The following MYO10 variants were observed in gnomAD, a reference collection of about 807,000 sequenced individuals.
The protein encoded by MYO10 is unconventional myosin-X.
A neutral mutation model predicts 257.3 loss-of-function variants in MYO10; 133 were observed. The observed-to-expected ratio is 0.52, with a 90% CI of 0.45 to 0.60. MYO10 has a LOEUF of 0.60. Among genes scored for constraint, MYO10 ranks in the 20% least tolerant of loss-of-function variants. MYO10 has a pLI of 0.00. For missense variants in MYO10, 2,399 were observed against 2,635.7 expected, an observed-to-expected ratio of 0.91 and a Z score of 1.97; for synonymous variants, 1,104 against 1,028.6, an observed-to-expected ratio of 1.07 and a Z score of -1.40.
intron 3 of MYO10, among the ~76,000 whole-genome samples, chr5:16,811,052 G>A (rs541292280): frequency 9.4e-5 from 13 of 137,600 alleles, no homozygotes; most frequent in African/African-American, 3.4e-4. Context: ...CTGGGCGAAA[G>A]AGCAAGACTC....
intron 19 of MYO10, among the ~76,000 whole-genome samples, chr5:16,747,163 A>G (rs891722388): frequency 4.6e-5 from 7 of 152,126 alleles, no homozygotes; most frequent in Non-Finnish European, 1.0e-4. Flanking sequence ...TATGTCTAGA[A>G]GGGGTCAGCT....
chr5:16,783,572 A>G, intron 4 of MYO10, 103 bp from the exon 5 acceptor site: 1 of 1,277,830 alleles, frequency 7.8e-7, no homozygotes, highest in Non-Finnish European at 1.1e-6. Context: ...CAATGGTAGA[A>G]AGGTGGGAAG....
At chr5:16,802,430 G>A (rs1051842651) in intron 3 of MYO10, among the ~76,000 whole-genome samples, 11 of 151,924 alleles carry the variant, frequency 7.2e-5, no homozygotes, top group Non-Finnish European at 1.2e-4. Context: ...ATGCTGAGGC[G>A]GGTGGATCAT....
chr5:16,807,631 G>A (rs1322278452), intron 3 of MYO10, among the ~76,000 whole-genome samples: 1 of 151,900 alleles, frequency 6.6e-6, no homozygotes, highest in Non-Finnish European at 1.5e-5. Context: ...CTTTGTTCTG[G>A]CATCTAGAAT....
intron 19 of MYO10, among the ~76,000 whole-genome samples, chr5:16,729,850 T>C (rs1322608389): frequency 6.6e-6 from 1 of 152,078 alleles, no homozygotes; most frequent in Non-Finnish European, 1.5e-5. Context: ...CTCAGCTTCC[T>C]GTGGAGTGAG....
chr5:16,858,550 A>G (rs756048324), intron 2 of MYO10, among the ~76,000 whole-genome samples: 1 of 152,128 alleles, frequency 6.6e-6, no homozygotes, highest in African/African-American at 2.4e-5. Flanking sequence ...TGAAAATTCA[A>G]TCCTCCGAGG....
chr5:16,712,117 G>A (rs1374102963), intron 19 of MYO10, among the ~76,000 whole-genome samples: 1 of 151,184 alleles, frequency 6.6e-6, no homozygotes, highest in Non-Finnish European at 1.5e-5. Flanking sequence ...AGGTGGGGGT[G>A]GGGGTGGGGA....
At chr5:16,800,004 GAA>G (rs771077979) in intron 3 of MYO10, among the ~76,000 whole-genome samples, 2 of 152,136 alleles carry the variant, frequency 1.3e-5, no homozygotes, top group Non-Finnish European at 2.9e-5. Flanking sequence ...GGCATGCTGT[GAA>G]ACAGAACACT....
chr5:16,667,375 C>G (rs1736221188), intron 40 of MYO10, among the ~76,000 whole-genome samples: 1 of 152,174 alleles, frequency 6.6e-6, no homozygotes, highest in Non-Finnish European at 1.5e-5. Context: ...CTTCTCACAG[C>G]TGGCCTGGAT....
intron 1 of MYO10, among the ~76,000 whole-genome samples, chr5:16,880,882 C>T (rs1336012301): frequency 4.6e-5 from 7 of 152,218 alleles, no homozygotes; most frequent in Non-Finnish European, 1.0e-4. Flanking sequence ...TTATTTGTAA[C>T]ATTCTAGAAA....
chr5:16,767,471 G>C (rs929873547), intron 10 of MYO10, among the ~76,000 whole-genome samples: 3 of 151,854 alleles, frequency 2.0e-5, no homozygotes, highest in South Asian at 4.2e-4. Flanking sequence ...ACTGCGCCCA[G>C]CCCCCAACTG....
intron 18 of MYO10, among the ~76,000 whole-genome samples, chr5:16,756,712 T>C (rs1251179423): frequency 1.3e-5 from 2 of 152,164 alleles, no homozygotes; most frequent in Non-Finnish European, 2.9e-5. Flanking sequence ...CATCTCTGTG[T>C]CTGGGCTCTT....
intron 19 of MYO10, among the ~76,000 whole-genome samples, chr5:16,721,637 T>C (rs1212919108): frequency 1.3e-5 from 2 of 152,126 alleles, no homozygotes; most frequent in African/African-American, 2.4e-5. Context: ...GGTCAGATTG[T>C]AGGGTCTGGA....
intron 1 of MYO10, among the ~76,000 whole-genome samples, chr5:16,892,304 A>G (rs532199442): frequency 2.6e-5 from 4 of 152,292 alleles, no homozygotes; most frequent in South Asian, 2.1e-4. Flanking sequence ...TATCTGATAC[A>G]TAACACAAAA....
At chr5:16,903,868 T>C (rs1680182607) in intron 1 of MYO10, among the ~76,000 whole-genome samples, 1 of 152,214 alleles carries the variant, frequency 6.6e-6, no homozygotes, top group Admixed American at 6.5e-5. Context: ...CTGCGTTCCA[T>C]GAGCTGAAGT....
At position 16,732,563 on chromosome 5, in the gene MYO10, G is replaced by A. The variant is rs187684242; in HGVS notation, c.1930-21318C>T. 1.3e-4 allele frequency among the ~76,000 whole-genome samples: 20 copies of A among 152,262 alleles called. 1 individual carries two copies. In the East Asian group the frequency reaches 3.1e-3, roughly 24 times the overall value. On this transcript the variant is annotated intron_variant, in intron 19 of 40. Transcript: ENST00000513610. ...AATCATGCTGAGAAATACAAATTAGGAGGGCAGCTGTCTCTCTTTGTAGAT... is the reference window on the plus strand; with the variant it reads ...AATCATGCTGAGAAATACAAATTAGAAGGGCAGCTGTCTCTCTTTGTAGAT...
Position 16,780,523 on chromosome 5 carries a change from C to T in MYO10, c.826+1G>A. 1 of 1,572,766 alleles carries T rather than the reference C, an allele frequency of 6.4e-7. No individual in the cohort carries two copies. Among genetic ancestry groups the T allele is most frequent in the Non-Finnish European group, 8.6e-7 (1 of 1,156,244 alleles). On this transcript the variant is annotated splice_donor_variant, in intron 8 of 40. Coordinates refer to ENST00000513610, the MANE Select transcript of MYO10 (RefSeq NM_012334.3). LOFTEE classifies it high-confidence loss of function. ...CATTATCCAGCTGTCGTCCCACTCA[C>T]CTCTTTCTTCATGTTCCAGCCCTGC...
intron 5 of MYO10, among the ~76,000 whole-genome samples, chr5:16,782,581 C>A (rs987681703): frequency 2.0e-5 from 3 of 152,152 alleles, no homozygotes; most frequent in Non-Finnish European, 4.4e-5. Flanking sequence ...GTATATTTTA[C>A]CACGATTTTA....
chr5:16,719,470 G>A (rs1033791707), intron 19 of MYO10, among the ~76,000 whole-genome samples: 2 of 152,096 alleles, frequency 1.3e-5, no homozygotes, highest in African/African-American at 2.4e-5. Flanking sequence ...ATATAATAAC[G>A]ACTGCTTCTG....
Sources: allele counts gnomAD v4.1 joint callset (sites outside exome capture counted in the v4.1 genomes callset), GRCh38; gene constraint gnomAD v4.1.1; transcripts MANE v1.5; gene names NCBI Gene and HGNC (gene_info 2026-07-23, HGNC 2026-07-21).